NLGN1: variants seen among roughly 807,000 people sequenced by gnomAD.
NLGN1 encodes the protein neuroligin-1.
Under a neutral mutation model 65.5 loss-of-function variants are expected in NLGN1, and 12 were observed. The observed-to-expected ratio is 0.18, with a 90% CI of 0.12 to 0.30. The LOEUF (loss-of-function observed/expected upper bound fraction) is 0.30, where lower values mean the gene tolerates loss of function less well. NLGN1 is among the 10% of genes least tolerant of loss of function. NLGN1 has a pLI of 1.00. For synonymous variants in NLGN1, 350 were observed against 359.5 expected (o/e 0.97, Z 0.30); for missense variants, 750 against 1,007.1 (o/e 0.74, Z 3.46).
rs1748925986 is a variant in NLGN1, at chr3:174,269,462, A to G, written c.647-5853A>G. ...GCTTTTTTTGTGACTGGCTTATTTC[A>G]CATAGCACATTGTCTTCAGAGGCTC... On this transcript the variant is annotated intron_variant, in intron 4 of 6. Coordinates refer to ENST00000457714, the Ensembl canonical transcript of NLGN1. Among the ~76,000 whole-genome samples, 3 of 151,908 alleles carry G rather than the reference A, an allele frequency of 2.0e-5. No homozygotes were observed. The Admixed American group carries it at 2.0e-4, about 10-fold the overall frequency.
intron 2 of NLGN1, among the ~76,000 whole-genome samples, chr3:173,489,132 T>C (rs150874112): frequency 5.4e-4 from 82 of 152,026 alleles, no homozygotes; most frequent in East Asian, 1.9e-3. Flanking sequence ...ATGTGCACAA[T>C]GTGCAGGTTT....
chr3:173,848,480 A>T (rs1277834343), intron 4 of NLGN1, among the ~76,000 whole-genome samples: 1 of 152,186 alleles, frequency 6.6e-6, no homozygotes, highest in Non-Finnish European at 1.5e-5. Flanking sequence ...CAAGTTATTT[A>T]TTTCATAAGG....
At chr3:173,515,161 A>C (rs375460001) in intron 2 of NLGN1, among the ~76,000 whole-genome samples, 4 of 151,950 alleles carry the variant, frequency 2.6e-5, no homozygotes, top group Non-Finnish European at 4.4e-5. Flanking sequence ...CCTCACCAAC[A>C]CTTACCTTTT....
intron 4 of NLGN1, among the ~76,000 whole-genome samples, chr3:173,923,132 T>C (rs2152268511): frequency 6.6e-6 from 1 of 152,212 alleles, no homozygotes; most frequent in Non-Finnish European, 1.5e-5. Context: ...TTTGACTATA[T>C]TTCATATTTT....
intron 4 of NLGN1, among the ~76,000 whole-genome samples, chr3:173,941,573 G>A (rs930693236): frequency 2.6e-5 from 4 of 151,930 alleles, no homozygotes; most frequent in East Asian, 2.0e-4. Context: ...TCATCAAAAC[G>A]CATTATTATG....
chr3:173,886,535 G>A (rs971771663), intron 4 of NLGN1, among the ~76,000 whole-genome samples: 1 of 151,970 alleles, frequency 6.6e-6, no homozygotes, highest in South Asian at 2.1e-4. Flanking sequence ...GCAAATGCAA[G>A]CATCTGTTTG....
chr3:173,540,963 TAAG>T (rs1299392370), intron 2 of NLGN1, among the ~76,000 whole-genome samples: 1 of 152,138 alleles, frequency 6.6e-6, no homozygotes, highest in Admixed American at 6.5e-5. Flanking sequence ...CACAGTTTCT[TAAG>T]AAGTTAATTG....
In NLGN1 at chr3:173,893,858, G is replaced by A. The variant is rs548970601; in HGVS notation, c.646+86026G>A. Among the ~76,000 whole-genome samples the A allele has an allele frequency of 9.7e-4, 148 of 152,096 alleles. 3 individuals are homozygous for A. The South Asian group carries it at 0.023, about 23-fold the overall frequency. ...ATCCCAACCTCCTTTTTATGTCATC[G>A]CAAGTCTTGCATGTCTGCACCCTGA... is the stretch of plus-strand genomic sequence containing the variant. On this transcript the variant is annotated intron_variant, in intron 4 of 6. Coordinates refer to ENST00000457714, the Ensembl canonical transcript of NLGN1.
chr3:173,894,792 C>G (rs1026043098), intron 4 of NLGN1, among the ~76,000 whole-genome samples: 10 of 151,930 alleles, frequency 6.6e-5, no homozygotes, highest in African/African-American at 2.2e-4. Context: ...TGTGGGCCAC[C>G]ACGCCTGGCT....
chr3:173,860,510 A>G lies in NLGN1; in HGVS notation c.646+52678A>G, dbSNP rs189830068. The stretch of plus-strand genomic sequence containing the variant: ...ACCTCTTTTGTTCTAGAAAGTCAAA[A>G]ATACTTTCTAAGATTAATAAATCAA... On this transcript the variant is annotated intron_variant, in intron 4 of 6. Transcript: ENST00000457714. Among the ~76,000 whole-genome samples the G allele has an allele frequency of 3.6e-3, 546 of 152,264 alleles. 3 individuals carry two copies. The highest frequency in any genetic ancestry group is 0.01 in the Middle Eastern group (3 of 294).
At chr3:173,968,596 C>T (rs901800351) in intron 4 of NLGN1, among the ~76,000 whole-genome samples, 1 of 150,652 alleles carries the variant, frequency 6.6e-6, no homozygotes, top group Non-Finnish European at 1.5e-5. Context: ...TAATGAATGC[C>T]TTATTGAGTC....
At chr3:174,013,522 A>G (rs911826960) in intron 4 of NLGN1, among the ~76,000 whole-genome samples, 1 of 152,226 alleles carries the variant, frequency 6.6e-6, no homozygotes, top group African/African-American at 2.4e-5. Context: ...CAATAATACA[A>G]TGGGTCAACT....
intron 3 of NLGN1, among the ~76,000 whole-genome samples, chr3:173,727,505 G>A (rs1322974228): frequency 6.6e-6 from 1 of 152,000 alleles, no homozygotes; most frequent in East Asian, 1.9e-4. Context: ...ACTATCTCCT[G>A]GAAATAATAC....
At chr3:174,107,011 CACACACAGAGAGAG>C (rs1334056794) in intron 4 of NLGN1, among the ~76,000 whole-genome samples, 18 of 115,190 alleles carry the variant, frequency 1.6e-4, no homozygotes, top group Middle Eastern at 4.3e-3. Context: ...CACACACACA[CACACACAGAGAGAG>C]AGAGAGAGAG....
At chr3:174,085,030 C>CAT (rs1742974394) in intron 4 of NLGN1, among the ~76,000 whole-genome samples, 1 of 151,914 alleles carries the variant, frequency 6.6e-6, no homozygotes, top group African/African-American at 2.4e-5. Flanking sequence ...AAAACATTCT[C>CAT]ATATTTAAAA....
chr3:173,474,376 A>C (rs1316945713), intron 2 of NLGN1, among the ~76,000 whole-genome samples: 1 of 152,160 alleles, frequency 6.6e-6, no homozygotes, highest in African/African-American at 2.4e-5. Flanking sequence ...TATTCTGTGA[A>C]GCGTTGCATC....
At chr3:173,418,135 G>C (rs949323301) in intron 1 of NLGN1, among the ~76,000 whole-genome samples, 7 of 150,750 alleles carry the variant, frequency 4.6e-5, no homozygotes, top group African/African-American at 1.7e-4. Flanking sequence ...TTAATGCTCT[G>C]TCATACATTT....
chr3:173,951,619 T>C (rs1278674663), intron 4 of NLGN1, among the ~76,000 whole-genome samples: 1 of 151,968 alleles, frequency 6.6e-6, no homozygotes, highest in African/African-American at 2.4e-5. Context: ...TGGATCACCA[T>C]GCCCAGCTAA....
chr3:173,598,626 C>T (rs1749916210), intron 2 of NLGN1, among the ~76,000 whole-genome samples: 1 of 152,146 alleles, frequency 6.6e-6, no homozygotes, highest in East Asian at 1.9e-4. Flanking sequence ...TGGCTCTAGC[C>T]TGCCATTTCA....
Sources: allele counts gnomAD v4.1 joint callset (sites outside exome capture counted in the v4.1 genomes callset), GRCh38; gene constraint gnomAD v4.1.1; transcripts MANE v1.5; gene names NCBI Gene and HGNC (gene_info 2026-07-23, HGNC 2026-07-21).